DDX43: variants seen among roughly 807,000 people sequenced by gnomAD.
DDX43 encodes probable ATP-dependent RNA helicase DDX43.
Under a neutral mutation model 84.9 loss-of-function variants are expected in DDX43, and 50 were observed. The observed-to-expected ratio is 0.59, with a 90% CI of 0.47 to 0.75. DDX43 has a LOEUF of 0.75. Ranked by LOEUF, DDX43 falls within the 30% of genes least tolerant of loss-of-function variation. The pLI, the probability that DDX43 is intolerant of heterozygous loss-of-function variation, is 0.00. For synonymous variants in DDX43, 291 were observed against 266.3 expected (o/e 1.09, Z -0.90); for missense variants, 689 against 798.6 (o/e 0.86, Z 1.65).
Position 73,400,232 on chromosome 6 carries a change from A to T in DDX43, c.307-2A>T. 6.3e-7 allele frequency: 1 copy of T among 1,594,538 alleles called. No individual in the cohort carries two copies. Among genetic ancestry groups the T allele is most frequent in the Non-Finnish European group, 8.5e-7 (1 of 1,173,976 alleles). On this transcript the variant is annotated splice_acceptor_variant, in intron 2 of 16. Transcript: ENST00000370336. LOFTEE classifies it high-confidence loss of function. The stretch of plus-strand genomic sequence containing the variant: ...CTCACCTCTTTTTCCCCTTGTACCT[A>T]GATAATACAAGAACAACCAGAATCA...
rs1462811361 is a variant in DDX43 at position 73,414,043 on chromosome 6, AGAGATCGG to A, written c.1575_1582del (p.Asp525GlufsTer7). On this transcript the variant is annotated frameshift_variant, in exon 13 of 17. Coordinates refer to ENST00000370336, the MANE Select transcript of DDX43 (RefSeq NM_018665.3). LOFTEE classifies it high-confidence loss of function. ...GTCTCTGCATGGAGATAGAGAACAG[AGAGATCGG>A]GAGAAAGCATTAGAGAACTTTAAAA... 1.2e-6 allele frequency: 2 copies of A among 1,608,412 alleles called. No individual in the cohort carries two copies. Among genetic ancestry groups the A allele is most frequent in the East Asian group, 4.5e-5 (2 of 44,784 alleles).
chr6:73,395,159 A>G lies in DDX43; in HGVS notation c.250+4A>G. 1 of 1,607,056 alleles carries G rather than the reference A, an allele frequency of 6.2e-7. No homozygotes were observed. The highest frequency in any genetic ancestry group is 1.1e-5 in the South Asian group (1 of 90,418). ...CACTTTGTTGGCGCGGTAATCGGTG[A>G]GAATGGGAGTGGCTGGCAGGGCAGG... On this transcript the variant is annotated splice_donor_region_variant and intron_variant, in intron 1 of 16. Transcript: ENST00000370336.
chr6:73,405,975 G>A, intron 6 of DDX43, 140 bp downstream of exon 6: 1 of 787,276 alleles, frequency 1.3e-6, no homozygotes, highest in Admixed American at 3.4e-5. Flanking sequence ...AATCTTTGTT[G>A]AAAGAAGTTT....
intron 11 of DDX43, chr6:73,413,390 C>T (rs916744080): frequency 4.3e-6 from 1 of 231,354 alleles, no homozygotes; most frequent in Non-Finnish European, 8.4e-6. Flanking sequence ...GAGTGAGACT[C>T]TGTCTCAAAA....
At chr6:73,407,044 T>C (rs1236472372) in intron 7 of DDX43, 1 of 155,916 alleles carries the variant, frequency 6.4e-6, no homozygotes, top group Non-Finnish European at 1.4e-5. Context: ...CTGTAATATA[T>C]AGAGAGACTA....
Position 73,404,746 on chromosome 6 carries a change from T to G in DDX43, c.625T>G (p.Ser209Ala). 6.2e-7 allele frequency: 1 copy of G among 1,613,344 alleles called. No individual in the cohort carries two copies. Among genetic ancestry groups the G allele is most frequent in the Non-Finnish European group, 8.5e-7 (1 of 1,179,746 alleles). The change falls in exon 5 of 17, where the codon TCA (serine) becomes GCA (alanine). Residue 209 changes from serine to alanine, a missense_variant. By Grantham distance (99) the Ser-to-Ala change is moderately conservative. Transcript: ENST00000370336. ...YKESTATSAM[S>A]KVEADSWRKE... ...AGAGTCCACTGCCACAAGTGCCATG[T>G]CAAAAGTAGAAGCAGATAGTTGGAG...
intron 15 of DDX43, 74 bp downstream of exon 15, chr6:73,415,658 G>C: frequency 9.3e-7 from 1 of 1,071,200 alleles, no homozygotes. Flanking sequence ...ACTATGGCTT[G>C]CTATTTATCA....
intron 5 of DDX43, among the ~76,000 whole-genome samples, 179 bp downstream of exon 5, chr6:73,404,950 G>A (rs572689337): frequency 3.9e-5 from 6 of 152,300 alleles, no homozygotes; most frequent in East Asian, 1.9e-4. Flanking sequence ...TGCAGTGATG[G>A]AAAATGGTCT....
intron 15 of DDX43, 95 bp downstream of exon 15, chr6:73,415,679 A>G (rs1320872106): frequency 1.1e-6 from 1 of 891,746 alleles, no homozygotes; most frequent in African/African-American, 1.7e-5. Flanking sequence ...GGAAGCTTCA[A>G]ATAAGTTTTC....
In DDX43 at chr6:73,407,552, C is replaced by T; in HGVS notation, c.974C>T (p.Thr325Ile). 1 of 1,613,988 alleles carries T rather than the reference C, an allele frequency of 6.2e-7. No individual in the cohort carries two copies. The highest frequency in any genetic ancestry group is 1.1e-5 in the South Asian group (1 of 91,086). The change falls in exon 8 of 17, where the codon ACT becomes ATT. Residue 325 changes from threonine to isoleucine, a missense_variant. Thr to Ile is a moderately conservative substitution (Grantham distance 89). Coordinates refer to ENST00000370336, the MANE Select transcript of DDX43 (RefSeq NM_018665.3). Reference protein sequence around the residue: ...NRPGMLVLTPTRELALQVEGE... With the variant: ...NRPGMLVLTPIRELALQVEGE... ...CCCGGCATGTTAGTTCTAACTCCCA[C>T]TCGGGAATTAGCACTTCAAGTAGAA...
rs570193102 is a variant in DDX43, at chr6:73,413,643, C to G, written c.1369-15C>G. On this transcript the variant is annotated splice_polypyrimidine_tract_variant and intron_variant, in intron 11 of 16. Transcript: ENST00000370336. ...CATGATGACCTTGATGAACTATGTT[C>G]TTTGAATCCTTTAGGCTGTAAGTTC... is the stretch of plus-strand genomic sequence containing the variant. 9.9e-6 allele frequency: 16 copies of G among 1,610,668 alleles called. No individual in the cohort carries two copies. The highest frequency in any genetic ancestry group is 1.7e-4 in the Middle Eastern group (1 of 6,044).
At chr6:73,411,367 C>T (rs1387584008) in intron 10 of DDX43, among the ~76,000 whole-genome samples, 3 of 145,658 alleles carry the variant, frequency 2.1e-5, no homozygotes, top group African/African-American at 7.6e-5. Context: ...CTCACTCTGT[C>T]ACCCAGGCTG....
intron 11 of DDX43, among the ~76,000 whole-genome samples, chr6:73,412,731 G>A (rs1029318052): frequency 0.019 from 133 of 7,126 alleles, 1 homozygote; most frequent in Non-Finnish European, 0.07. Flanking sequence ...TATATAGCGT[G>A]TGTGTGTGTG....
At chr6:73,406,538 A>C in intron 7 of DDX43, 56 bp downstream of exon 7, 2 of 1,129,810 alleles carry the variant, frequency 1.8e-6, no homozygotes, top group Non-Finnish European at 2.6e-6. Flanking sequence ...TTTAGATATC[A>C]AAAATGTAAT....
intron 13 of DDX43, 76 bp from the exon 14 acceptor site, chr6:73,414,472 A>G: frequency 8.4e-7 from 1 of 1,188,158 alleles, no homozygotes; most frequent in Non-Finnish European, 1.2e-6. Context: ...TAAATTAGTT[A>G]GGGCAAATAT....
At chr6:73,416,492 A>C (rs530164511) in intron 16 of DDX43, among the ~76,000 whole-genome samples, 20 of 152,374 alleles carry the variant, frequency 1.3e-4, no homozygotes, top group South Asian at 4.1e-4. Context: ...CCAAGCATCC[A>C]TCAGTGAATG....
chr6:73,405,629 G>A (rs369134559), intron 5 of DDX43, 50 bp from the exon 6 acceptor site: 782 of 1,584,454 alleles, frequency 4.9e-4, no homozygotes, highest in Non-Finnish European at 6.3e-4. Flanking sequence ...AGAATGTCTT[G>A]CTTGGGGAGT....
chr6:73,409,475 A>T, intron 10 of DDX43, 127 bp downstream of exon 10: 2 of 755,078 alleles, frequency 2.6e-6, no homozygotes, highest in Admixed American at 2.2e-5. Context: ...GAAAGATCTC[A>T]TAACATTGGA....
chr6:73,408,178 T>A, intron 9 of DDX43, 77 bp downstream of exon 9: 1 of 1,485,702 alleles, frequency 6.7e-7, no homozygotes, highest in Non-Finnish European at 9.2e-7. Flanking sequence ...GTCACGCCTG[T>A]AATCCGAGCA....
Sources: allele counts gnomAD v4.1 joint callset (sites outside exome capture counted in the v4.1 genomes callset), GRCh38; gene constraint gnomAD v4.1.1; transcripts MANE v1.5; gene names NCBI Gene and HGNC (gene_info 2026-07-23, HGNC 2026-07-21).